Variants in CCDC30 observed in about 807,000 individuals in gnomAD.
The protein encoded by CCDC30 is coiled-coil domain containing 30, also known as coiled-coil domain-containing protein 30.
In CCDC30, 70 loss-of-function variants were observed where a neutral mutation model predicts 100.2. The observed-to-expected ratio is 0.70, with a 90% CI of 0.58 to 0.85. The LOEUF is 0.85. Ranked by LOEUF, CCDC30 falls within the 40% of genes least tolerant of loss-of-function variation. The pLI, the probability that CCDC30 is intolerant of heterozygous loss-of-function variation, is 0.00. For synonymous variants in CCDC30, 233 were observed against 269.5 expected (o/e 0.86, Z 1.33); for missense variants, 652 against 771.2 (o/e 0.85, Z 1.83).
intron 6 of CCDC30, among the ~76,000 whole-genome samples, chr1:42,558,633 C>T (rs555285597): frequency 3.9e-5 from 6 of 152,138 alleles, no homozygotes; most frequent in Middle Eastern, 3.4e-3. Flanking sequence ...GAAACACAGG[C>T]GTGTCTAATT....
At chr1:42,558,357 TG>T (rs1336103651) in intron 6 of CCDC30, 18 of 153,838 alleles carry the variant, frequency 1.2e-4, no homozygotes, top group African/African-American at 4.3e-4. Flanking sequence ...GGTAGAATGG[TG>T]ATCAAGGCAT....
chr1:42,591,173 G>A (rs1646178991), intron 10 of CCDC30: 1 of 152,222 alleles, frequency 6.6e-6, no homozygotes. Context: ...AGGGTATGGA[G>A]CAACTACTTG....
chr1:42,497,365 C>A (rs1644246598), intron 5 of CCDC30, among the ~76,000 whole-genome samples, 152 bp downstream of exon 5: 1 of 152,110 alleles, frequency 6.6e-6, no homozygotes, highest in African/African-American at 2.4e-5. Flanking sequence ...ATGCTTTGAC[C>A]TAGATGCATT....
chr1:42,563,937 T>C (rs562077577), intron 6 of CCDC30, among the ~76,000 whole-genome samples: 3 of 152,292 alleles, frequency 2.0e-5, no homozygotes, highest in South Asian at 4.1e-4. Context: ...GATTTTTTTT[T>C]CCTAGGGATC....
chr1:42,526,544 C>G (rs1644727268), intron 6 of CCDC30, among the ~76,000 whole-genome samples: 1 of 152,084 alleles, frequency 6.6e-6, no homozygotes, highest in Non-Finnish European at 1.5e-5. Flanking sequence ...ATTTGGATCT[C>G]TTTTCCAGGT....
chr1:42,566,388 C>A, exon 7 of CCDC30: 1 of 1,613,946 alleles, frequency 6.2e-7, no homozygotes, highest in African/African-American at 1.3e-5. Context: ...TTCTATGCAA[C>A]TCAGCTGAAA....
At chr1:42,636,451 A>C (rs1372555843) in intron 11 of CCDC30, among the ~76,000 whole-genome samples, 1 of 152,102 alleles carries the variant, frequency 6.6e-6, no homozygotes, top group Non-Finnish European at 1.5e-5. Flanking sequence ...GCAAGGACTG[A>C]GAACAGGCCA....
Position 42,637,048 on chromosome 1 carries a change from T to C in CCDC30, c.1278-189T>C, listed in dbSNP as rs537117455. Among the ~76,000 whole-genome samples, 4 of 147,012 alleles carry C rather than the reference T, an allele frequency of 2.7e-5. No homozygotes were observed. The South Asian group carries it at 6.5e-4, about 24-fold the overall frequency. Reference sequence around the variant, plus strand: ...AGCAGTAGTTAAAGCTGGTGTTATATAGGGGGTTATCCTTGGCCCACTCCC... The same window carrying C: ...AGCAGTAGTTAAAGCTGGTGTTATACAGGGGGTTATCCTTGGCCCACTCCC... On this transcript the variant is annotated intron_variant, in intron 11 of 16. Coordinates refer to ENST00000668663, the Ensembl canonical transcript of CCDC30.
intron 4 of CCDC30, among the ~76,000 whole-genome samples, chr1:42,493,139 A>G (rs1057019879): frequency 3.3e-5 from 5 of 152,168 alleles, no homozygotes; most frequent in Non-Finnish European, 1.5e-5. Context: ...AAAATAATCT[A>G]AGTCTATACC....
At chr1:42,574,940 T>C (rs1645802967) in intron 7 of CCDC30, among the ~76,000 whole-genome samples, 1 of 152,220 alleles carries the variant, frequency 6.6e-6, no homozygotes, top group Admixed American at 6.5e-5. Flanking sequence ...CTTGAGGCTT[T>C]AATTGCTTTG....
At chr1:42,526,876 T>C (rs1644731309) in intron 6 of CCDC30, among the ~76,000 whole-genome samples, 1 of 152,180 alleles carries the variant, frequency 6.6e-6, no homozygotes, top group Non-Finnish European at 1.5e-5. Context: ...AATTTTCAAA[T>C]TTGTCTCTGA....
chr1:42,502,731 G>C (rs747576232), intron 6 of CCDC30, among the ~76,000 whole-genome samples: 1 of 152,034 alleles, frequency 6.6e-6, no homozygotes, highest in Non-Finnish European at 1.5e-5. Flanking sequence ...AACCACTAAA[G>C]TACTTTCTGC....
intron 10 of CCDC30, chr1:42,593,142 A>G (rs141092292): frequency 2.3e-4 from 35 of 152,328 alleles, no homozygotes; most frequent in African/African-American, 7.7e-4. Context: ...TCTCAGTCCC[A>G]CAATACTGCC....
intron 11 of CCDC30, among the ~76,000 whole-genome samples, chr1:42,611,486 T>C (rs1646622314): frequency 6.6e-6 from 1 of 152,026 alleles, no homozygotes; most frequent in African/African-American, 2.4e-5. Context: ...CTAATATGTA[T>C]ATTATATAGA....
At chr1:42,482,441 T>A (rs1450736596) in intron 2 of CCDC30, among the ~76,000 whole-genome samples, 2 of 152,062 alleles carry the variant, frequency 1.3e-5, no homozygotes, top group African/African-American at 4.8e-5. Context: ...AACCAAATAT[T>A]TATAAGTAAA....
chr1:42,457,454 A>G, the CCDC30 span: 338 of 949,198 alleles, frequency 3.6e-4, 2 homozygotes, highest in Non-Finnish European at 6.6e-5. Context: ...TTCGCTAGGC[A>G]CAGGGGATAC....
intron 11 of CCDC30, among the ~76,000 whole-genome samples, chr1:42,631,154 T>G (rs1647030674): frequency 6.6e-6 from 1 of 152,216 alleles, no homozygotes; most frequent in African/African-American, 2.4e-5. Context: ...TGTTGTCATC[T>G]AAGCTCTACC....
chr1:42,562,077 A>G (rs1645500602), intron 6 of CCDC30, among the ~76,000 whole-genome samples: 1 of 152,244 alleles, frequency 6.6e-6, no homozygotes, highest in Non-Finnish European at 1.5e-5. Context: ...AACTACCATG[A>G]CATTCTTCAC....
chr1:42,604,590 C>T (rs1275255469), intron 10 of CCDC30, among the ~76,000 whole-genome samples: 2 of 152,206 alleles, frequency 1.3e-5, no homozygotes, highest in African/African-American at 4.8e-5. Flanking sequence ...TTAAGGTCCA[C>T]ACCTCGAATT....
Sources: gnomAD v4.1 joint callset for allele counts (sites outside exome capture counted in the v4.1 genomes callset) on GRCh38, gnomAD v4.1.1 for gene constraint, MANE v1.5 for transcripts, NCBI Gene and HGNC (gene_info 2026-07-23, HGNC 2026-07-21) for gene names.